Variants in MYH9 observed in about 807,000 individuals in gnomAD.
MYH9 encodes myosin-9.
Under a neutral mutation model 241.9 loss-of-function variants are expected in MYH9, and 29 were observed. That is an observed-to-expected ratio of 0.12 (90% CI 0.09 to 0.16). The LOEUF (loss-of-function observed/expected upper bound fraction) is 0.16. Among genes scored for constraint, MYH9 ranks in the 10% least tolerant of loss-of-function variants. The pLI is 1.00. For missense variants in MYH9, 1,803 were observed against 2,595.5 expected (o/e 0.69, Z 6.63); for synonymous variants, 1,047 against 1,062.6 (o/e 0.99, Z 0.29).
chr22:36,359,430 C>A (rs1307203058), intron 1 of MYH9, among the ~76,000 whole-genome samples: 3 of 152,180 alleles, frequency 2.0e-5, no homozygotes, highest in African/African-American at 4.8e-5. Flanking sequence ...AACAGGAGAG[C>A]CAAGTTGAAA....
chr22:36,309,438 G>T, intron 14 of MYH9, 42 bp from the exon 15 acceptor site: 1 of 1,472,636 alleles, frequency 6.8e-7, no homozygotes, highest in Non-Finnish European at 9.5e-7. Context: ...CTGCGCTGGG[G>T]ACATGTGTGC....
chr22:36,372,518 T>C (rs971376512), intron 1 of MYH9, among the ~76,000 whole-genome samples: 10 of 143,708 alleles, frequency 7.0e-5, no homozygotes, highest in Non-Finnish European at 1.5e-4. Context: ...AAATGACAGG[T>C]AATAAAAAAA....
intron 1 of MYH9, among the ~76,000 whole-genome samples, chr22:36,359,772 G>A (rs1179831526): frequency 1.3e-5 from 2 of 152,106 alleles, no homozygotes; most frequent in Non-Finnish European, 2.9e-5. Context: ...GGAATGCTAC[G>A]CCTCCATCTA....
At position 36,300,273 on chromosome 22, in the gene MYH9, G is replaced by A. The variant is rs761908902; in HGVS notation, c.2839-9C>T. Reference sequence around the variant, plus strand: ...AGCTGCTCCTCAAGCTCCTGCCGGGGGCCAGAGACACGGTAAGGACAGCAG... The same window carrying A: ...AGCTGCTCCTCAAGCTCCTGCCGGGAGCCAGAGACACGGTAAGGACAGCAG... On this transcript the variant is annotated splice_polypyrimidine_tract_variant and intron_variant, in intron 22 of 40. Transcript: ENST00000216181. The surrounding 1 kb of genome is among the most constrained non-coding windows in gnomAD (Gnocchi z 5.0). 6.2e-6 allele frequency: 10 copies of A among 1,612,312 alleles called. No homozygotes were observed. Among genetic ancestry groups the A allele is most frequent in the South Asian group, 3.3e-5 (3 of 91,072 alleles).
chr22:36,293,394 G>A lies in MYH9; in HGVS notation c.4030C>T (p.Gln1344Ter). The A allele has an allele frequency of 6.2e-7, 1 of 1,614,034 alleles. No individual in the cohort carries two copies. ...VEDEKNSFRE[Q>*]LEEEEEAKHN... is the part of the protein sequence containing the mutation. ...TTGGCCTCCTCCTCCTCCTCCAGCT[G>A]CTCCCGGAAGGAATTCTTCTCGTCC... Residue 1344 changes from glutamine to a stop codon, truncating the protein, a stop_gained, in exon 30 of 41, where the codon CAG becomes TAG. Transcript: ENST00000216181. LOFTEE classifies it high-confidence loss of function. This position sits in a 1 kb window ranked among gnomAD's most constrained non-coding sequence, Gnocchi z 5.1.
intron 5 of MYH9, among the ~76,000 whole-genome samples, chr22:36,324,112 T>C (rs1461804032): frequency 1.3e-5 from 2 of 152,238 alleles, no homozygotes; most frequent in African/African-American, 4.8e-5. Context: ...CTCCATTGCC[T>C]GTGCTCGCCC....
chr22:36,337,813 C>A (rs906339176), intron 3 of MYH9, among the ~76,000 whole-genome samples: 1 of 152,166 alleles, frequency 6.6e-6, no homozygotes, highest in Non-Finnish European at 1.5e-5. Flanking sequence ...CGAGGCTCCA[C>A]GGGTGACACA....
At position 36,281,571 on chromosome 22, in the gene MYH9, C is replaced by T. The variant is rs901171351; in HGVS notation, c.*1097G>A. 4.4e-6 allele frequency: 1 copy of T among 229,152 alleles called. No homozygotes were observed. The highest frequency in any genetic ancestry group is 8.7e-6 in the Non-Finnish European group (1 of 115,296). The allele number at this position is 229,152 out of a possible 1,614,324, so 14.2% of individuals were successfully genotyped here. Reference sequence around the variant, plus strand: ...AGCATATACAAAACAGTTAGGAATACAAGTAAATTCGGCAACCAGTGTAGA... The same window carrying T: ...AGCATATACAAAACAGTTAGGAATATAAGTAAATTCGGCAACCAGTGTAGA... On this transcript the variant is annotated 3_prime_UTR_variant, in exon 41 of 41. Transcript: ENST00000216181.
intron 2 of MYH9, among the ~76,000 whole-genome samples, chr22:36,344,360 C>T (rs979390029): frequency 6.6e-5 from 10 of 152,246 alleles, no homozygotes; most frequent in African/African-American, 2.4e-4. Flanking sequence ...CCACGCCACC[C>T]ACAATGCTGG....
chr22:36,356,149 G>A (rs755830358), intron 1 of MYH9, among the ~76,000 whole-genome samples: 3 of 152,206 alleles, frequency 2.0e-5, no homozygotes, highest in Non-Finnish European at 4.4e-5. Flanking sequence ...ATGTATGCAA[G>A]CAGCCCCTCT....
chr22:36,339,600 G>C (rs1008283072), intron 3 of MYH9, among the ~76,000 whole-genome samples: 2 of 152,228 alleles, frequency 1.3e-5, no homozygotes, highest in African/African-American at 4.8e-5. Flanking sequence ...AGCACAGCGT[G>C]GGTGGTGGAG....
Position 36,285,333 on chromosome 22 carries a change from C to G in MYH9, c.5275-4G>C, listed in dbSNP as rs2016561904. 1 of 1,607,402 alleles carries G rather than the reference C, an allele frequency of 6.2e-7. No individual in the cohort carries two copies. The highest frequency in any genetic ancestry group is 8.5e-7 in the Non-Finnish European group (1 of 1,179,988). On this transcript the variant is annotated splice_polypyrimidine_tract_variant and splice_region_variant and intron_variant, in intron 37 of 40. Transcript: ENST00000216181. This position sits in a 1 kb window ranked among gnomAD's most constrained non-coding sequence, Gnocchi z 7.0. ...GGTCGGTGTTGATCTGGTCGATCTG[C>G]AGAAGAAGGGCCAGTGACCTTGGGG...
chr22:36,353,220 T>G (rs927617416), intron 1 of MYH9, among the ~76,000 whole-genome samples: 3 of 152,162 alleles, frequency 2.0e-5, no homozygotes, highest in African/African-American at 7.2e-5. Context: ...ATGCCTCATT[T>G]ATGAATGGGG....
intron 5 of MYH9, among the ~76,000 whole-genome samples, chr22:36,323,569 G>A (rs535272849): frequency 3.3e-5 from 5 of 152,312 alleles, no homozygotes; most frequent in African/African-American, 9.6e-5. Flanking sequence ...AGGAGAACTA[G>A]GAGGAGTAGG....
chr22:36,291,084 C>T (rs1273301756), intron 31 of MYH9, among the ~76,000 whole-genome samples: 10 of 148,874 alleles, frequency 6.7e-5, no homozygotes, highest in South Asian at 2.2e-4. Context: ...CCAGGCCAGC[C>T]GCCCCGTCCG....
At chr22:36,360,682 T>C (rs1381425125) in intron 1 of MYH9, among the ~76,000 whole-genome samples, 9 of 146,820 alleles carry the variant, frequency 6.1e-5, no homozygotes, top group Admixed American at 5.5e-4. Context: ...CACTGCACTC[T>C]AGCCTGGGCA....
chr22:36,308,902 C>A lies in MYH9; in HGVS notation c.1843+380G>T. 7.2e-6 allele frequency: 7 copies of A among 973,780 alleles called. 1 individual carries two copies. Among genetic ancestry groups the A allele is most frequent in the Middle Eastern group, 5.3e-4 (1 of 1,900 alleles). 60.3% of individuals were successfully genotyped at this position (973,780 alleles called of 1,614,324 possible). On this transcript the variant is annotated intron_variant, in intron 15 of 40. Transcript: ENST00000216181. Reference sequence around the variant, plus strand: ...CAGAGAGGTTAAAGCAAAACCCAGGCAAAGGAAAAGGAGAAACCAACAGAA... The same window carrying A: ...CAGAGAGGTTAAAGCAAAACCCAGGAAAAGGAAAAGGAGAAACCAACAGAA...
chr22:36,283,547 A>AAG (rs1468998599), intron 40 of MYH9, among the ~76,000 whole-genome samples: 1 of 151,440 alleles, frequency 6.6e-6, no homozygotes, highest in Non-Finnish European at 1.5e-5. Context: ...CAAAAAAAAA[A>AAG]AACAAAAAAA....
At chr22:36,364,045 C>T (rs747540455) in intron 1 of MYH9, among the ~76,000 whole-genome samples, 1 of 152,204 alleles carries the variant, frequency 6.6e-6, no homozygotes, top group Non-Finnish European at 1.5e-5. Flanking sequence ...AATTATACGG[C>T]CACCGTCTCA....
Sources: allele counts gnomAD v4.1 joint callset (sites outside exome capture counted in the v4.1 genomes callset), GRCh38; gene constraint gnomAD v4.1.1; non-coding constraint Gnocchi (gnomAD v3.1); transcripts MANE v1.5; gene names NCBI Gene and HGNC (gene_info 2026-07-23, HGNC 2026-07-21).